Variants in CDK5RAP2 observed in about 807,000 individuals in gnomAD.
The protein encoded by CDK5RAP2 is CDK5 regulatory subunit-associated protein 2.
Under a neutral mutation model 232.9 loss-of-function variants are expected in CDK5RAP2, and 147 were observed. That is an observed-to-expected ratio of 0.63 (90% CI 0.55 to 0.72). The LOEUF (loss-of-function observed/expected upper bound fraction) is 0.72, where lower values mean the gene tolerates loss of function less well. Ranked by LOEUF, CDK5RAP2 falls within the 30% of genes least tolerant of loss-of-function variation. The probability of loss-of-function intolerance (pLI) is 0.00; values close to 1 mark genes in which losing one functional copy is unlikely to be tolerated. For missense variants in CDK5RAP2, 2,195 were observed against 2,231.5 expected (o/e 0.98, Z 0.33); for synonymous variants, 833 against 833.7 (o/e 1.00, Z 0.01).
chr9:120,491,282 A>C lies in CDK5RAP2; in HGVS notation c.1482+25T>G, dbSNP rs757436931. 14 of 1,591,144 alleles carry C rather than the reference A, an allele frequency of 8.8e-6. No homozygotes were observed. In the South Asian group the frequency reaches 1.6e-4, roughly 18 times the overall value. On this transcript the variant is annotated intron_variant, in intron 13 of 37. Transcript: ENST00000349780. ...AAAATCAACCCATGCCAAATTAAAA[A>C]ATTTAAATACAAAAGTTACAGTACC...
chr9:120,440,204 TC>T (rs1488744189), intron 23 of CDK5RAP2: 18 of 573,708 alleles, frequency 3.1e-5, no homozygotes, highest in Non-Finnish European at 5.3e-5. Context: ...GTCCTCTTCC[TC>T]AGAGTGACTG....
At chr9:120,487,182 T>C (rs1482407433) in intron 14 of CDK5RAP2, 112 bp downstream of exon 14, 11 of 1,166,384 alleles carry the variant, frequency 9.4e-6, no homozygotes, top group Non-Finnish European at 1.4e-5. Flanking sequence ...GTAGGCTCAG[T>C]TACCAACAAG....
intron 36 of CDK5RAP2, among the ~76,000 whole-genome samples, chr9:120,392,353 T>C (rs1021141422): frequency 1.3e-5 from 2 of 152,156 alleles, no homozygotes; most frequent in African/African-American, 2.4e-5. Flanking sequence ...GCAGGTCACA[T>C]AGGAGAATGG....
At chr9:120,417,565 C>T (rs1375956314) in intron 27 of CDK5RAP2, among the ~76,000 whole-genome samples, 1 of 152,258 alleles carries the variant, frequency 6.6e-6, no homozygotes, top group East Asian at 1.9e-4. Flanking sequence ...GCAATCGAAA[C>T]ATGCCATCTT....
chr9:120,487,729 G>A (rs2038688487), intron 13 of CDK5RAP2, among the ~76,000 whole-genome samples: 2 of 152,222 alleles, frequency 1.3e-5, no homozygotes, highest in South Asian at 4.1e-4. Context: ...TCCAGTGGGT[G>A]TGGAGGACAA....
rs111400975 is a variant in CDK5RAP2 at position 120,397,285 on chromosome 9, C to T, written c.5452-2647G>A. ...AGCTTCAGCAATGATCAATTCATGG[C>T]CATACTTACCTCTACTACATTCCTG... is the stretch of plus-strand genomic sequence containing the variant. On this transcript the variant is annotated intron_variant, in intron 35 of 37. Transcript: ENST00000349780. Among the ~76,000 whole-genome samples, 640 of 152,270 alleles carry T rather than the reference C, an allele frequency of 4.2e-3. 4 individuals carry two copies. The highest frequency in any genetic ancestry group is 0.015 in the African/African-American group (606 of 41,548).
At chr9:120,463,403 C>T (rs1463026938) in intron 18 of CDK5RAP2, among the ~76,000 whole-genome samples, 1 of 152,048 alleles carries the variant, frequency 6.6e-6, no homozygotes, top group Non-Finnish European at 1.5e-5. Flanking sequence ...ACGAAAGTCT[C>T]CCCCTGATTC....
In CDK5RAP2 at chr9:120,407,870, A is replaced by G. The variant is rs963322459; in HGVS notation, c.4726+477T>C. The G allele has an allele frequency of 8.7e-5, 23 of 264,200 alleles. 1 individual carries two copies. In the Admixed American group the frequency reaches 9.4e-4, roughly 11 times the overall value. The allele number at this position is 264,200 out of a possible 1,614,324, so 16.4% of individuals were successfully genotyped here. On this transcript the variant is annotated intron_variant, in intron 31 of 37. Transcript: ENST00000349780. ...AATGCCCAGCACGTGAGAGGTGTCC[A>G]TAAATGTTTGCTGAATGAGTGGGCA...
intron 25 of CDK5RAP2, among the ~76,000 whole-genome samples, chr9:120,434,566 G>A (rs2035464797): frequency 1.3e-5 from 2 of 152,212 alleles, no homozygotes; most frequent in Non-Finnish European, 2.9e-5. Flanking sequence ...GGAGAGGCCT[G>A]CAGCATCCAG....
At chr9:120,426,699 A>T (rs1217244789) in intron 25 of CDK5RAP2, among the ~76,000 whole-genome samples, 5 of 152,198 alleles carry the variant, frequency 3.3e-5, no homozygotes, top group Admixed American at 2.0e-4. Context: ...TATAGAATGT[A>T]AGTGTTCCCT....
intron 31 of CDK5RAP2, 180 bp downstream of exon 31, chr9:120,408,167 G>A: frequency 1.3e-6 from 1 of 762,740 alleles, no homozygotes; most frequent in Non-Finnish European, 2.3e-6. Flanking sequence ...GTCCTTCTAT[G>A]TTTCCTGCTG....
chr9:120,431,936 C>T (rs1400635677), intron 25 of CDK5RAP2, among the ~76,000 whole-genome samples: 3 of 152,180 alleles, frequency 2.0e-5, no homozygotes, highest in African/African-American at 4.8e-5. Flanking sequence ...GTTATAGACC[C>T]TCACCCCAGA....
chr9:120,501,787 G>C (rs550209223), intron 12 of CDK5RAP2, among the ~76,000 whole-genome samples: 302 of 152,310 alleles, frequency 2.0e-3, no homozygotes, highest in Middle Eastern at 3.4e-3. Context: ...ACATGGAGCA[G>C]AATACCCAGC....
rs776059833 is a variant in CDK5RAP2, at chr9:120,528,783, C to A, written c.840G>T (p.Glu280Asp). 1.9e-6 allele frequency: 3 copies of A among 1,609,992 alleles called. No individual in the cohort carries two copies. The highest frequency in any genetic ancestry group is 1.3e-5 in the African/African-American group (1 of 74,970). The change falls in exon 9 of 38, where the codon GAG (glutamate) becomes GAT (aspartate). Residue 280 changes from glutamate (E) to aspartate (D), a missense_variant. Physicochemically the swap from Glu to Asp is conservative, Grantham distance 45. Transcript: ENST00000349780. Reference sequence around the variant, plus strand: ...CAAAGCTGTTTCTCTCCTTCTGATGCTCCATTTGTGCAGCCTAAGAAAAGG... The same window carrying A: ...CAAAGCTGTTTCTCTCCTTCTGATGATCCATTTGTGCAGCCTAAGAAAAGG... ...KERETEAAQM[E>D]HQKERNSFEE...
In CDK5RAP2 at chr9:120,530,141, C is replaced by A; in HGVS notation, c.663-1G>T. On this transcript the variant is annotated splice_acceptor_variant, in intron 7 of 37. Transcript: ENST00000349780. LOFTEE classifies it high-confidence loss of function. ...AGACAGCTTCAACTCCTCAATCAGT[C>A]TAAAAGAGAACAAAATTTAAATATT... is the stretch of plus-strand genomic sequence containing the variant. 1 of 1,611,668 alleles carries A rather than the reference C, an allele frequency of 6.2e-7. No individual in the cohort carries two copies. The highest frequency in any genetic ancestry group is 8.5e-7 in the Non-Finnish European group (1 of 1,178,678).
intron 23 of CDK5RAP2, among the ~76,000 whole-genome samples, chr9:120,441,370 A>G (rs2035887162): frequency 6.6e-6 from 1 of 152,214 alleles, no homozygotes; most frequent in Non-Finnish European, 1.5e-5. Context: ...ACATCACTGA[A>G]AAGTTGTGTG....
intron 28 of CDK5RAP2, among the ~76,000 whole-genome samples, chr9:120,412,857 G>A (rs532103831): frequency 7.2e-5 from 11 of 152,110 alleles, no homozygotes; most frequent in Admixed American, 1.3e-4. Context: ...TTCACTTACC[G>A]CAAGGTTATC....
intron 12 of CDK5RAP2, among the ~76,000 whole-genome samples, chr9:120,514,856 C>T (rs1192455522): frequency 6.6e-6 from 1 of 152,152 alleles, no homozygotes; most frequent in Non-Finnish European, 1.5e-5. Context: ...TTTTTATCCA[C>T]AGCAGCCCAA....
At position 120,489,012 on chromosome 9, in the gene CDK5RAP2, C is replaced by A. The variant is rs78819053; in HGVS notation, c.1483-1575G>T. On this transcript the variant is annotated intron_variant, in intron 13 of 37. Coordinates refer to ENST00000349780, the MANE Select transcript of CDK5RAP2 (RefSeq NM_018249.6). ...CCTTTATACATATGGAATCATCCTA[C>A]GAGAGCTTCCAGCAAGAGTACATAG... Among the ~76,000 whole-genome samples the A allele has an allele frequency of 5.7e-3, 874 of 152,306 alleles. 12 individuals are homozygous for A. The highest frequency in any genetic ancestry group is 0.02 in the African/African-American group (833 of 41,572).
Sources: gnomAD v4.1 joint callset for allele counts (sites outside exome capture counted in the v4.1 genomes callset) on GRCh38, gnomAD v4.1.1 for gene constraint, MANE v1.5 for transcripts, NCBI Gene and HGNC (gene_info 2026-07-23, HGNC 2026-07-21) for gene names.